The following NEDD9 variants were observed in gnomAD, a reference collection of about 807,000 sequenced individuals.
NEDD9 encodes enhancer of filamentation 1.
Under a neutral mutation model 76.6 loss-of-function variants are expected in NEDD9, and 26 were observed. That is an observed-to-expected ratio of 0.34 (90% confidence interval 0.25 to 0.47). The LOEUF (loss-of-function observed/expected upper bound fraction) is 0.47, where lower values mean the gene tolerates loss of function less well. Among genes scored for constraint, NEDD9 ranks in the 20% least tolerant of loss-of-function variants. The pLI is 1.00. For synonymous variants in NEDD9, 392 were observed against 414.2 expected, an observed-to-expected ratio of 0.95 and a Z score of 0.65; for missense variants, 937 against 1,058.5, an observed-to-expected ratio of 0.89 and a Z score of 1.59.
intron 2 of NEDD9, among the ~76,000 whole-genome samples, chr6:11,210,967 C>T (rs1165700538): frequency 2.0e-5 from 3 of 152,152 alleles, no homozygotes; most frequent in Non-Finnish European, 4.4e-5. Context: ...CACCCTCTTG[C>T]CCTCCCCATC....
intron 3 of NEDD9, among the ~76,000 whole-genome samples, chr6:11,296,696 C>T (rs1339685926): frequency 3.4e-5 from 5 of 148,204 alleles, no homozygotes; most frequent in Admixed American, 1.4e-4. Context: ...TTCCTTCCTT[C>T]CTTCCTTCCT....
chr6:11,323,739 C>T (rs1238349665), intron 2 of NEDD9, among the ~76,000 whole-genome samples: 1 of 152,214 alleles, frequency 6.6e-6, no homozygotes, highest in African/African-American at 2.4e-5. Context: ...CTACAAACCT[C>T]TGAGGGACAG....
At chr6:11,309,199 G>C (rs1284819720) in intron 2 of NEDD9, among the ~76,000 whole-genome samples, 1 of 152,184 alleles carries the variant, frequency 6.6e-6, no homozygotes, top group Middle Eastern at 3.2e-3. Context: ...CTCAGCATTA[G>C]GTTTGAGCAA....
chr6:11,355,987 C>T (rs954678367), intron 1 of NEDD9, among the ~76,000 whole-genome samples: 2 of 152,196 alleles, frequency 1.3e-5, no homozygotes, highest in African/African-American at 4.8e-5. Context: ...TCCCAAAGTC[C>T]TGGGATTGCA....
At chr6:11,232,029 C>T (rs1759482958) in intron 1 of NEDD9, among the ~76,000 whole-genome samples, 1 of 152,198 alleles carries the variant, frequency 6.6e-6, no homozygotes, top group South Asian at 2.1e-4. Flanking sequence ...ATATGGCATA[C>T]TCCTTCCGAG....
At chr6:11,261,323 T>C (rs1176046258) in intron 3 of NEDD9, among the ~76,000 whole-genome samples, 1 of 152,176 alleles carries the variant, frequency 6.6e-6, no homozygotes, top group Non-Finnish European at 1.5e-5. Flanking sequence ...CAAAACTGAG[T>C]CTTTGGAGGA....
chr6:11,241,390 C>A lies in NEDD9; in HGVS notation c.13-27663G>T, dbSNP rs1759704816. ...TTTCCTACTTGCCATGGCATGACAT[C>A]ATGTGATATGATGCGACTTTGTAGC... is the stretch of plus-strand genomic sequence containing the variant. On this transcript the variant is annotated intron_variant, in intron 3 of 3. Coordinates refer to the NEDD9 transcript ENST00000397378. This position sits in a 1 kb window ranked among gnomAD's most constrained non-coding sequence, Gnocchi z 4.0. 6.6e-6 allele frequency among the ~76,000 whole-genome samples: 1 copy of A among 152,156 alleles called. No homozygotes were observed. The highest frequency in any genetic ancestry group is 1.5e-5 in the Non-Finnish European group (1 of 68,030).
intron 3 of NEDD9, among the ~76,000 whole-genome samples, chr6:11,294,733 T>C (rs1760852759): frequency 6.6e-6 from 1 of 151,850 alleles, no homozygotes; most frequent in African/African-American, 2.4e-5. Flanking sequence ...CTTATTAGTG[T>C]TTTTGATGAT....
intron 3 of NEDD9, among the ~76,000 whole-genome samples, chr6:11,287,915 A>C (rs114929062): frequency 0.039 from 5,870 of 152,294 alleles, 385 homozygotes; most frequent in African/African-American, 0.13. Context: ...GGTGGGATAA[A>C]ACCTGGAAAA....
chr6:11,284,521 G>A (rs568194424), intron 3 of NEDD9, among the ~76,000 whole-genome samples: 12 of 151,442 alleles, frequency 7.9e-5, no homozygotes, highest in South Asian at 2.1e-4. Flanking sequence ...AGATAAGATC[G>A]CGCCACTGCA....
chr6:11,246,267 G>A (rs1759805659), intron 3 of NEDD9, among the ~76,000 whole-genome samples: 1 of 152,204 alleles, frequency 6.6e-6, no homozygotes, highest in Admixed American at 6.5e-5. Flanking sequence ...GCCTGGCACA[G>A]GGCAGCCGGG....
intron 4 of NEDD9, among the ~76,000 whole-genome samples, 194 bp downstream of exon 4, chr6:11,192,151 G>C (rs1055991391): frequency 2.0e-5 from 3 of 152,144 alleles, no homozygotes; most frequent in South Asian, 2.1e-4. Context: ...GAAATCCCTA[G>C]AGCTATCTTT....
intron 1 of NEDD9, among the ~76,000 whole-genome samples, chr6:11,346,480 C>A (rs564492773): frequency 8.6e-5 from 13 of 151,024 alleles, no homozygotes; most frequent in Admixed American, 2.6e-4. Context: ...CTCGGAGGCC[C>A]CCCCCCCCGA....
At chr6:11,354,672 C>G (rs1374136590) in intron 1 of NEDD9, among the ~76,000 whole-genome samples, 3 of 152,160 alleles carry the variant, frequency 2.0e-5, no homozygotes, top group Non-Finnish European at 4.4e-5. Flanking sequence ...CATCTTTTGA[C>G]TTTCTTTTGG....
chr6:11,203,219 T>C (rs968573728), intron 2 of NEDD9, among the ~76,000 whole-genome samples: 4 of 152,208 alleles, frequency 2.6e-5, no homozygotes, highest in Non-Finnish European at 4.4e-5. Context: ...CTGTGACAAG[T>C]TGGATACAGC....
intron 1 of NEDD9, among the ~76,000 whole-genome samples, chr6:11,358,077 G>A (rs571533897): frequency 4.6e-5 from 7 of 152,010 alleles, no homozygotes; most frequent in Admixed American, 6.5e-5. Context: ...GTGAAACCCC[G>A]TCTCTACTAA....
chr6:11,254,983 T>A (rs1759975071), intron 3 of NEDD9, among the ~76,000 whole-genome samples: 1 of 152,232 alleles, frequency 6.6e-6, no homozygotes, highest in African/African-American at 2.4e-5. Flanking sequence ...TTGAGTCTCT[T>A]TTCTCAAGGA....
rs868616736 is a variant in NEDD9 at position 11,375,918 on chromosome 6, G to A, written c.-214+6221C>T. On this transcript the variant is annotated intron_variant, in intron 1 of 3. Transcript: ENST00000397378. ...CGGCTCACTGCAAGCTCCGCCTCCC[G>A]GGTTCATGCCATTCTCCTGCCTTAG... is the stretch of plus-strand genomic sequence containing the variant. Among the ~76,000 whole-genome samples, 9 of 152,126 alleles carry A rather than the reference G, an allele frequency of 5.9e-5. No homozygotes were observed. In the South Asian group the frequency reaches 6.2e-4, roughly 11 times the overall value.
chr6:11,190,994 C>T lies in NEDD9; in HGVS notation c.875G>A (p.Arg292Gln), dbSNP rs750403097. ...DIPGAAEPVA[R>Q]RHQSLSPNHP... ...ATTCGGGGACAGGCTCTGGTGCCTT[C>T]GAGCCACCGGTTCTGCAGCTCCTGG... The change falls in exon 5 of 7, where the codon CGA becomes CAA. Residue 292 changes from arginine (R) to glutamine (Q), a missense_variant. Transcript: ENST00000379446. This position sits in a 1 kb window ranked among gnomAD's most constrained non-coding sequence, Gnocchi z 5.8. The T allele has an allele frequency of 2.5e-6, 4 of 1,613,734 alleles. No individual in the cohort carries two copies. The highest frequency in any genetic ancestry group is 2.2e-5 in the South Asian group (2 of 91,064).
Sources: allele counts gnomAD v4.1 joint callset (sites outside exome capture counted in the v4.1 genomes callset), GRCh38; gene constraint gnomAD v4.1.1; non-coding constraint Gnocchi (gnomAD v3.1); transcripts MANE v1.5; gene names NCBI Gene and HGNC (gene_info 2026-07-23, HGNC 2026-07-21).